Variants in ZNF704 observed in about 807,000 individuals in gnomAD.
ZNF704 encodes zinc finger protein 704.
A neutral mutation model predicts 44.7 loss-of-function variants in ZNF704; 10 were observed. That is an observed-to-expected ratio of 0.22 (90% confidence interval 0.14 to 0.38). ZNF704 has a LOEUF of 0.38. Ranked by LOEUF, ZNF704 falls within the 10% of genes least tolerant of loss-of-function variation. The pLI is 1.00. For synonymous variants in ZNF704, 211 were observed against 207.6 expected, an observed-to-expected ratio of 1.02 and a Z score of -0.14; for missense variants, 390 against 545.5, an observed-to-expected ratio of 0.71 and a Z score of 2.84.
chr8:80,687,981 G>A (rs1563519244), intron 3 of ZNF704, among the ~76,000 whole-genome samples: 1 of 152,150 alleles, frequency 6.6e-6, no homozygotes, highest in Non-Finnish European at 1.5e-5. Context: ...TGAGGTAGGA[G>A]GATCGCTTGA....
At chr8:80,857,752 T>C (rs1019094357) in intron 1 of ZNF704, among the ~76,000 whole-genome samples, 3 of 152,222 alleles carry the variant, frequency 2.0e-5, no homozygotes, top group African/African-American at 7.2e-5. Context: ...AAGGATACCA[T>C]CTTACTTCTT....
intron 1 of ZNF704, among the ~76,000 whole-genome samples, chr8:80,831,756 G>T (rs1469410479): frequency 6.6e-6 from 1 of 152,170 alleles, no homozygotes; most frequent in Non-Finnish European, 1.5e-5. Flanking sequence ...ACAGCTATAG[G>T]ATTCCTTGTA....
intron 1 of ZNF704, among the ~76,000 whole-genome samples, chr8:80,851,252 CTATAAAGACACATGCAAATGTATGT>C (rs1193404095): frequency 6.6e-6 from 1 of 152,134 alleles, no homozygotes; most frequent in Non-Finnish European, 1.5e-5. Context: ...AATCATGCTG[CTATAAAGACACATGCAAATGTATGT>C]TTATAGCAGC....
At chr8:80,846,954 C>G (rs1303379590) in intron 1 of ZNF704, among the ~76,000 whole-genome samples, 1 of 152,140 alleles carries the variant, frequency 6.6e-6, no homozygotes, top group Non-Finnish European at 1.5e-5. Flanking sequence ...AGGCAGATCA[C>G]CCAAGGTCAG....
chr8:80,828,712 A>G (rs1808420603), intron 1 of ZNF704, among the ~76,000 whole-genome samples: 1 of 152,252 alleles, frequency 6.6e-6, no homozygotes, highest in African/African-American at 2.4e-5. Flanking sequence ...TTCAGAATAC[A>G]AGGAGAATAT....
At chr8:80,751,577 C>A (rs754004101) in intron 2 of ZNF704, among the ~76,000 whole-genome samples, 1 of 152,106 alleles carries the variant, frequency 6.6e-6, no homozygotes, top group African/African-American at 2.4e-5. Context: ...TAATTCCCAG[C>A]AGCTGTTTCT....
At position 80,633,739 on chromosome 8, in the gene ZNF704, G is replaced by A. The variant is rs1346849955; in HGVS notation, c.*7627C>T. The A allele has an allele frequency of 6.6e-6, 1 of 152,154 alleles. No individual in the cohort carries two copies. Among genetic ancestry groups the A allele is most frequent in the Non-Finnish European group, 1.5e-5 (1 of 68,032 alleles). The allele number at this position is 152,154 out of a possible 1,614,324, so 9.4% of individuals were successfully genotyped here. On this transcript the variant is annotated 3_prime_UTR_variant, in exon 9 of 9. Transcript: ENST00000327835. ...AGATCAAATGAAATAGTGTGTGAAC[G>A]AGACGTATCTTATTACATACGTGAA...
chr8:80,858,625 C>G (rs1048999336), intron 1 of ZNF704, among the ~76,000 whole-genome samples: 1 of 151,504 alleles, frequency 6.6e-6, no homozygotes, highest in Non-Finnish European at 1.5e-5. Flanking sequence ...CCCAGCTGTT[C>G]GGGAGGCTGA....
chr8:80,703,459 C>T (rs1008786569), intron 2 of ZNF704, among the ~76,000 whole-genome samples: 6 of 152,054 alleles, frequency 3.9e-5, no homozygotes, highest in African/African-American at 1.4e-4. Flanking sequence ...CTAGCACAAA[C>T]CCTTGCTTAG....
intron 1 of ZNF704, among the ~76,000 whole-genome samples, chr8:80,870,598 G>C (rs984903866): frequency 3.9e-5 from 6 of 152,016 alleles, no homozygotes; most frequent in Non-Finnish European, 7.4e-5. Context: ...TGGCTTATTG[G>C]ACTTTAGATT....
At position 80,641,209 on chromosome 8, in the gene ZNF704, T is replaced by A. The variant is rs992898765; in HGVS notation, c.*157A>T. The A allele has an allele frequency of 1.9e-5, 9 of 473,780 alleles. No individual in the cohort carries two copies. The South Asian group carries it at 4.1e-4, about 22-fold the overall frequency. The allele number at this position is 473,780 out of a possible 1,614,324, so 29.3% of individuals were successfully genotyped here. ...TCATAGGTGGTGACTTAAACAATTT[T>A]TCTGTGTTTTTGCTGTTATTCCTCC... On this transcript the variant is annotated 3_prime_UTR_variant, in exon 9 of 9. Coordinates refer to ENST00000327835, the MANE Select transcript of ZNF704 (RefSeq NM_001033723.3).
intron 4 of ZNF704, chr8:80,673,088 A>T (rs545960671): frequency 6.6e-6 from 1 of 152,372 alleles, no homozygotes; most frequent in East Asian, 1.9e-4. Flanking sequence ...GATATGAAAC[A>T]TCTATGATTT....
Position 80,694,725 on chromosome 8 carries a change from C to G in ZNF704, c.222-1618G>C, listed in dbSNP as rs536249288. Among the ~76,000 whole-genome samples, 20 of 152,294 alleles carry G rather than the reference C, an allele frequency of 1.3e-4. No homozygotes were observed. The East Asian group carries it at 3.5e-3, about 26-fold the overall frequency. On this transcript the variant is annotated intron_variant, in intron 2 of 8. Transcript: ENST00000327835. Reference sequence around the variant, plus strand: ...CATCATGAAGTTACAAAAATTGTTACAGTTTGGCTCTCTGATGTCCACCCA... The same window carrying G: ...CATCATGAAGTTACAAAAATTGTTAGAGTTTGGCTCTCTGATGTCCACCCA...
chr8:80,682,395 A>G (rs1051614187), intron 4 of ZNF704, among the ~76,000 whole-genome samples: 5 of 152,254 alleles, frequency 3.3e-5, no homozygotes, highest in Admixed American at 2.6e-4. Context: ...GTTAAGACAC[A>G]TACCTGTGAA....
At chr8:80,848,050 G>A (rs1281786139) in intron 1 of ZNF704, among the ~76,000 whole-genome samples, 1 of 152,176 alleles carries the variant, frequency 6.6e-6, no homozygotes, top group Non-Finnish European at 1.5e-5. Flanking sequence ...AAGGTAAACT[G>A]TGGATATTCA....
At chr8:80,762,912 T>TA (rs1473943033) in intron 2 of ZNF704, among the ~76,000 whole-genome samples, 1 of 152,222 alleles carries the variant, frequency 6.6e-6, no homozygotes, top group Non-Finnish European at 1.5e-5. Context: ...ACAGGGGCTA[T>TA]AGGCCCCATG....
At position 80,819,951 on chromosome 8, in the gene ZNF704, G is replaced by C. The variant is rs1192510512; in HGVS notation, c.221+1423C>G. On this transcript the variant is annotated intron_variant, in intron 2 of 8. Coordinates refer to ENST00000327835, the MANE Select transcript of ZNF704 (RefSeq NM_001033723.3). ...TTACAAAACGTGAACAGGCAGGAAAGGCACATTTATTCCTCTTCCAAAGGT... is the reference window on the plus strand; with the variant it reads ...TTACAAAACGTGAACAGGCAGGAAACGCACATTTATTCCTCTTCCAAAGGT... Among the ~76,000 whole-genome samples the C allele has an allele frequency of 5.9e-5, 9 of 152,248 alleles. No homozygotes were observed. The South Asian group carries it at 1.9e-3, about 31-fold the overall frequency.
chr8:80,790,104 GT>G (rs1807679187), intron 2 of ZNF704, among the ~76,000 whole-genome samples: 1 of 152,192 alleles, frequency 6.6e-6, no homozygotes, highest in Non-Finnish European at 1.5e-5. Context: ...GCTAGAAGCT[GT>G]TGTTCTCACT....
chr8:80,645,905 A>G (rs940688235), intron 7 of ZNF704, among the ~76,000 whole-genome samples: 3 of 152,054 alleles, frequency 2.0e-5, no homozygotes, highest in Admixed American at 6.5e-5. Context: ...CTTACTTGCC[A>G]TTGTAATAGT....
Sources: allele counts gnomAD v4.1 joint callset (sites outside exome capture counted in the v4.1 genomes callset), GRCh38; gene constraint gnomAD v4.1.1; transcripts MANE v1.5; gene names NCBI Gene and HGNC (gene_info 2026-07-23, HGNC 2026-07-21).